KCNJ15: variants seen among roughly 807,000 people sequenced by gnomAD.
KCNJ15 encodes the protein potassium inwardly rectifying channel subfamily J member 15.
In KCNJ15, 14 loss-of-function variants were observed where a neutral mutation model predicts 23.0. That is an observed-to-expected ratio of 0.61 (90% CI 0.40 to 0.95). KCNJ15 has a LOEUF of 0.95. Ranked by LOEUF, KCNJ15 falls within the 40% of genes least tolerant of loss-of-function variation. The pLI is 0.00. For synonymous variants in KCNJ15, 185 were observed against 183.2 expected, an observed-to-expected ratio of 1.01 and a Z score of -0.08; for missense variants, 388 against 461.8, an observed-to-expected ratio of 0.84 and a Z score of 1.46.
chr21:38,249,418 T>C (rs1177952912), intron 1 of KCNJ15, among the ~76,000 whole-genome samples: 1 of 151,970 alleles, frequency 6.6e-6, no homozygotes, highest in Non-Finnish European at 1.5e-5. Context: ...CAGAGGTGAG[T>C]TTTCAGTCAT....
intron 1 of KCNJ15, among the ~76,000 whole-genome samples, chr21:38,242,029 T>G (rs1475267209): frequency 6.6e-6 from 1 of 150,594 alleles, no homozygotes; most frequent in African/African-American, 2.5e-5. Context: ...TCTGTCCACA[T>G]GGTCCCAGAG....
Position 38,236,535 on chromosome 21 carries a change from A to G in KCNJ15, c.-398-20511A>G, listed in dbSNP as rs571586128. The stretch of plus-strand genomic sequence containing the variant: ...TCATTTTCTTAAGCCCATTAACAGC[A>G]TGAGATAGACACATATGGGTGGATT... On this transcript the variant is annotated intron_variant, in intron 1 of 4. Coordinates refer to the KCNJ15 transcript ENST00000547341. Among the ~76,000 whole-genome samples the G allele has an allele frequency of 3.9e-5, 6 of 152,322 alleles. No homozygotes were observed. In the South Asian group the frequency reaches 1.2e-3, roughly 32 times the overall value.
At chr21:38,242,819 T>C (rs1979102562) in intron 1 of KCNJ15, among the ~76,000 whole-genome samples, 1 of 152,192 alleles carries the variant, frequency 6.6e-6, no homozygotes, top group Non-Finnish European at 1.5e-5. Flanking sequence ...TGCTCACTTA[T>C]AAGCTTAAGG....
intron 1 of KCNJ15, among the ~76,000 whole-genome samples, chr21:38,231,188 GTATCT>G (rs1481856162): frequency 6.6e-6 from 1 of 151,920 alleles, no homozygotes; most frequent in African/African-American, 2.4e-5. Context: ...TTGTTCCCAA[GTATCT>G]TATTCTTTTT....
rs1601167334 is a variant in KCNJ15, at chr21:38,262,700, A to G, written c.-117+5515A>G. On this transcript the variant is annotated intron_variant, in intron 1 of 2. Transcript: ENST00000398938. Reference sequence around the variant, plus strand: ...TCTGACATCTTTTTTTTTTTTTGAGATGGAGTCTTGGTCTGTCACCCAGGC... The same window carrying G: ...TCTGACATCTTTTTTTTTTTTTGAGGTGGAGTCTTGGTCTGTCACCCAGGC... 2.7e-5 allele frequency among the ~76,000 whole-genome samples: 4 copies of G among 149,242 alleles called. No individual in the cohort carries two copies. In the East Asian group the frequency reaches 7.8e-4, roughly 29 times the overall value.
In KCNJ15 at chr21:38,270,170, A is replaced by C. The variant is rs537009462; in HGVS notation, c.-117+12985A>C. Among the ~76,000 whole-genome samples the C allele has an allele frequency of 2.6e-5, 4 of 152,218 alleles. No individual in the cohort carries two copies. The South Asian group carries it at 8.3e-4, about 32-fold the overall frequency. ...GGGCCTTACCTCTTCTACACTTTCTAAATGTTATCTTCTCCAGGCTGAACA... is the reference window on the plus strand; with the variant it reads ...GGGCCTTACCTCTTCTACACTTTCTCAATGTTATCTTCTCCAGGCTGAACA... On this transcript the variant is annotated intron_variant, in intron 1 of 2. Transcript: ENST00000398938.
At chr21:38,233,242 A>G (rs1978390870) in intron 1 of KCNJ15, among the ~76,000 whole-genome samples, 1 of 151,842 alleles carries the variant, frequency 6.6e-6, no homozygotes, top group South Asian at 2.1e-4. Flanking sequence ...CTTAAAGTTG[A>G]TTTTGTCTGA....
intron 1 of KCNJ15, chr21:38,238,419 G>T (rs529401963): frequency 1.3e-5 from 9 of 688,326 alleles, no homozygotes; most frequent in Admixed American, 1.2e-4. Context: ...TGTAGACAGG[G>T]TGGACGCACT....
Position 38,260,576 on chromosome 21 carries a change from G to C in KCNJ15, c.-117+3391G>C, listed in dbSNP as rs570286064. ...CTAGATGAAAAATTCTAAAGCACAAGCACACAATTCCAGATATTTTAGCCA... is the reference window on the plus strand; with the variant it reads ...CTAGATGAAAAATTCTAAAGCACAACCACACAATTCCAGATATTTTAGCCA... On this transcript the variant is annotated intron_variant, in intron 1 of 2. Coordinates refer to ENST00000398938, the MANE Select transcript of KCNJ15 (RefSeq NM_170736.3). Among the ~76,000 whole-genome samples, 14 of 152,296 alleles carry C rather than the reference G, an allele frequency of 9.2e-5. No individual in the cohort carries two copies. In the East Asian group the frequency reaches 2.7e-3, roughly 29 times the overall value.
chr21:38,253,242 G>A (rs535230145), upstream of KCNJ15, among the ~76,000 whole-genome samples: 20 of 152,244 alleles, frequency 1.3e-4, no homozygotes, highest in South Asian at 3.5e-3. Flanking sequence ...GCGCATTTTT[G>A]TCTCAACGTC....
chr21:38,244,497 C>T (rs1361371803), intron 1 of KCNJ15, among the ~76,000 whole-genome samples: 2 of 152,196 alleles, frequency 1.3e-5, no homozygotes, highest in African/African-American at 4.8e-5. Flanking sequence ...CTAACTTCCG[C>T]ATCTCCTGGG....
chr21:38,285,644 A>T (rs148846339), intron 1 of KCNJ15: 2 of 152,290 alleles, frequency 1.3e-5, no homozygotes, highest in Admixed American at 1.3e-4. Flanking sequence ...GAAGGAATTC[A>T]TGTGCCAGAT....
rs148433757 is a variant in KCNJ15 at position 38,231,766 on chromosome 21, G to A, written c.-398-25280G>A. 4.3e-4 allele frequency among the ~76,000 whole-genome samples: 65 copies of A among 151,672 alleles called. 1 individual carries two copies. Among genetic ancestry groups the A allele is most frequent in the Admixed American group, 7.2e-4 (11 of 15,240 alleles). ...TTCTATTGATATGGGGCATTATATC[G>A]ACTGGTTTTTTGGATGTTAGACCAG... On this transcript the variant is annotated intron_variant, in intron 1 of 4. Coordinates refer to the KCNJ15 transcript ENST00000547341.
At chr21:38,269,289 T>G (rs1981826656) in intron 1 of KCNJ15, among the ~76,000 whole-genome samples, 1 of 151,866 alleles carries the variant, frequency 6.6e-6, no homozygotes, top group South Asian at 2.1e-4. Flanking sequence ...AGAGCCAGAG[T>G]CTGTCCGTTA....
At chr21:38,231,824 A>G (rs1404353957) in intron 1 of KCNJ15, among the ~76,000 whole-genome samples, 10 of 151,900 alleles carry the variant, frequency 6.6e-5, no homozygotes, top group Admixed American at 6.6e-4. Context: ...CCACTTTGTC[A>G]TAGTGAGTGT....
At chr21:38,259,011 G>T (rs1980588304) in intron 1 of KCNJ15, among the ~76,000 whole-genome samples, 1 of 152,064 alleles carries the variant, frequency 6.6e-6, no homozygotes, top group African/African-American at 2.4e-5. Context: ...GGGCGTGTGT[G>T]TGTGTGTGTG....
At position 38,231,765 on chromosome 21, in the gene KCNJ15, C is replaced by T. The variant is rs144428943; in HGVS notation, c.-398-25281C>T. ...TTTCTATTGATATGGGGCATTATATCGACTGGTTTTTTGGATGTTAGACCA... is the reference window on the plus strand; with the variant it reads ...TTTCTATTGATATGGGGCATTATATTGACTGGTTTTTTGGATGTTAGACCA... On this transcript the variant is annotated intron_variant, in intron 1 of 4. Transcript: ENST00000547341. 7.3e-3 allele frequency among the ~76,000 whole-genome samples: 1,103 copies of T among 151,682 alleles called. 4 individuals carry two copies. Among genetic ancestry groups the T allele is most frequent in the Non-Finnish European group, 0.01 (697 of 67,712 alleles).
At chr21:38,258,045 T>C (rs1980449927) in intron 1 of KCNJ15, among the ~76,000 whole-genome samples, 3 of 152,180 alleles carry the variant, frequency 2.0e-5, no homozygotes, top group African/African-American at 7.2e-5. Context: ...TTTAGATTTA[T>C]CTTTTTCCCC....
chr21:38,299,744 C>T lies in KCNJ15; in HGVS notation c.483C>T (p.Thr161=), dbSNP rs201416013. Residue 161 remains threonine, a synonymous_variant, in exon 3 of 3, where the codon ACC becomes ACT. Transcript: ENST00000398938. This position sits in a 1 kb window ranked among gnomAD's most constrained non-coding sequence, Gnocchi z 4.5. ...VITTLIEIFI[T]GTFLAKIARP... The stretch of plus-strand genomic sequence containing the variant: ...CGACCTTGATTGAGATCTTCATCAC[C>T]GGAACCTTCCTGGCCAAAATCGCCA... 1.2e-4 allele frequency: 199 copies of T among 1,614,098 alleles called. 2 individuals are homozygous for T. In the Middle Eastern group the frequency reaches 1.8e-3, roughly 15 times the overall value.
Sources: gnomAD v4.1 joint callset for allele counts (sites outside exome capture counted in the v4.1 genomes callset) on GRCh38, gnomAD v4.1.1 for gene constraint, Gnocchi (gnomAD v3.1) non-coding constraint, MANE v1.5 for transcripts, NCBI Gene and HGNC (gene_info 2026-07-23, HGNC 2026-07-21) for gene names.